The following CFAP57 variants were observed in gnomAD, a reference collection of about 807,000 sequenced individuals.
CFAP57 encodes the protein cilia- and flagella-associated protein 57.
A neutral mutation model predicts 146.8 loss-of-function variants in CFAP57; 116 were observed. The ratio of observed to expected loss-of-function variants is 0.79; its 90% CI spans 0.68 to 0.92. The LOEUF is 0.92. Ranked by LOEUF, CFAP57 falls within the 40% of genes least tolerant of loss-of-function variation. The probability of loss-of-function intolerance (pLI) is 0.00; values close to 1 mark genes in which losing one functional copy is unlikely to be tolerated. For synonymous variants in CFAP57, 518 were observed against 552.8 expected (o/e 0.94, Z 0.88); for missense variants, 1,377 against 1,527.2 (o/e 0.90, Z 1.64).
rs918893791 is a variant in CFAP57 at position 43,229,550 on chromosome 1, T to C, written c.3009+2424T>C. On this transcript the variant is annotated intron_variant, in intron 18 of 22. Coordinates refer to ENST00000372492, the MANE Select transcript of CFAP57 (RefSeq NM_001378189.1). Reference sequence around the variant, plus strand: ...GGAAGCCTCAAGCCCTTGGCTCATTTGTAGAGCTGCAACTTCTAATAACAC... The same window carrying C: ...GGAAGCCTCAAGCCCTTGGCTCATTCGTAGAGCTGCAACTTCTAATAACAC... Among the ~76,000 whole-genome samples, 2 of 148,696 alleles carry C rather than the reference T, an allele frequency of 1.3e-5. 1 individual carries two copies. The highest frequency in any genetic ancestry group is 3.0e-5 in the Non-Finnish European group (2 of 67,526).
Position 43,197,629 on chromosome 1 carries a change from G to A in CFAP57, c.1199G>A (p.Arg400His), listed in dbSNP as rs372200685. The stretch of plus-strand genomic sequence containing the variant: ...ATCACCGGTCTAGCTACCTGCATCC[G>A]CAAACCCCTTATAGCCACCTGTTCT... ...APITGLATCI[R>H]KPLIATCSLD... is the part of the protein sequence containing the mutation. Residue 400 changes from arginine to histidine, a missense_variant, in exon 7 of 23, where the codon CGC (arginine) becomes CAC (histidine). Arg to His is a conservative substitution (Grantham distance 29). Transcript: ENST00000372492. 15 of 1,613,962 alleles carry A rather than the reference G, an allele frequency of 9.3e-6. No individual in the cohort carries two copies. Among genetic ancestry groups the A allele is most frequent in the Admixed American group, 1.7e-5 (1 of 59,994 alleles).
chr1:43,227,475 C>T (rs1645292853), intron 18 of CFAP57, among the ~76,000 whole-genome samples: 1 of 152,226 alleles, frequency 6.6e-6, no homozygotes, highest in South Asian at 2.1e-4. Flanking sequence ...ACAGGCTATC[C>T]TTCTAGTTCA....
chr1:43,184,180 T>G (rs1171573320), intron 4 of CFAP57, among the ~76,000 whole-genome samples: 1 of 152,242 alleles, frequency 6.6e-6, no homozygotes, highest in Non-Finnish European at 1.5e-5. Context: ...TTTAATGAAT[T>G]GATTCATGTC....
At chr1:43,245,703 CT>C (rs1646090968) in intron 22 of CFAP57, among the ~76,000 whole-genome samples, 2 of 152,146 alleles carry the variant, frequency 1.3e-5, no homozygotes, top group African/African-American at 4.8e-5. Context: ...GTTTAAGAAG[CT>C]GTTAGATCCA....
chr1:43,226,961 T>C, intron 17 of CFAP57, 22 bp from the exon 18 acceptor site: 1 of 1,483,156 alleles, frequency 6.7e-7, no homozygotes. Context: ...TATCTCTCAC[T>C]TCTCTCTCAT....
chr1:43,197,640 A>G lies in CFAP57; in HGVS notation c.1210A>G (p.Ile404Val). 6.2e-7 allele frequency: 1 copy of G among 1,614,090 alleles called. No individual in the cohort carries two copies. The highest frequency in any genetic ancestry group is 1.6e-4 in the Middle Eastern group (1 of 6,062). The change falls in exon 7 of 23, where the codon ATA becomes GTA. Residue 404 changes from isoleucine to valine, a missense_variant. By Grantham distance (29) the Ile-to-Val change is conservative. Transcript: ENST00000372492. ...AGCTACCTGCATCCGCAAACCCCTTATAGCCACCTGTTCTCTGGATCGATC... is the reference window on the plus strand; with the variant it reads ...AGCTACCTGCATCCGCAAACCCCTTGTAGCCACCTGTTCTCTGGATCGATC... ...GLATCIRKPL[I>V]ATCSLDRSIR...
At chr1:43,218,118 C>T (rs1570172839) in intron 12 of CFAP57, among the ~76,000 whole-genome samples, 1 of 152,288 alleles carries the variant, frequency 6.6e-6, no homozygotes, top group East Asian at 1.9e-4. Flanking sequence ...GATGTCAAGT[C>T]GTTCACAGGT....
intron 9 of CFAP57, among the ~76,000 whole-genome samples, chr1:43,204,678 G>A (rs1644282542): frequency 6.6e-6 from 1 of 152,130 alleles, no homozygotes; most frequent in South Asian, 2.1e-4. Context: ...ATTAGTTACA[G>A]ATGGTGCATA....
intron 12 of CFAP57, among the ~76,000 whole-genome samples, chr1:43,217,479 T>G (rs1644878182): frequency 1.3e-5 from 2 of 152,094 alleles, no homozygotes; most frequent in Non-Finnish European, 2.9e-5. Context: ...GCTGCTAGTT[T>G]TATGCTAGGT....
chr1:43,172,562 C>G (rs1159287657), intron 1 of CFAP57, 109 bp downstream of exon 1: 1 of 407,458 alleles, frequency 2.5e-6, no homozygotes, highest in Non-Finnish European at 3.9e-6. Context: ...AGGAGGACCC[C>G]GGGGGAGGGG....
intron 12 of CFAP57, among the ~76,000 whole-genome samples, 193 bp from the exon 13 acceptor site, chr1:43,219,189 T>C (rs1644951593): frequency 6.6e-6 from 1 of 152,106 alleles, no homozygotes; most frequent in African/African-American, 2.4e-5. Flanking sequence ...TTTTTGAGGA[T>C]AGAGGAGGAA....
intron 11 of CFAP57, chr1:43,210,142 A>G: frequency 6.3e-7 from 1 of 1,599,434 alleles, no homozygotes; most frequent in Non-Finnish European, 8.5e-7. Flanking sequence ...AAATGTATGT[A>G]CAACGTTTTC....
intron 2 of CFAP57, among the ~76,000 whole-genome samples, chr1:43,179,052 G>A (rs191150755): frequency 3.9e-5 from 6 of 151,930 alleles, no homozygotes; most frequent in East Asian, 1.9e-4. Flanking sequence ...ACCAAACACC[G>A]CATGTTCTCA....
Position 43,215,275 on chromosome 1 carries a change from T to C in CFAP57, c.1950T>C (p.Asp650=), listed in dbSNP as rs1390256674. 3 of 1,551,094 alleles carry C rather than the reference T, an allele frequency of 1.9e-6. No homozygotes were observed. In the African/African-American group the frequency reaches 4.1e-5, roughly 21 times the overall value. Residue 650 remains aspartate (D), a synonymous_variant, in exon 12 of 23, where the codon GAT becomes GAC. Transcript: ENST00000372492. ...PITKMLLTFD[D]QFLLTAAEDG... The stretch of plus-strand genomic sequence containing the variant: ...TTCAGATGTTGCTTACCTTTGATGA[T>C]CAGTTCCTGCTGACTGCTGCTGAGG...
chr1:43,198,417 C>T (rs1643958141), intron 7 of CFAP57, 64 bp from the exon 8 acceptor site: 1 of 1,521,508 alleles, frequency 6.6e-7, no homozygotes, highest in Non-Finnish European at 9.1e-7. Context: ...ATATCAGATA[C>T]AGTAGATGAC....
At chr1:43,176,543 C>T (rs985421778) in intron 2 of CFAP57, among the ~76,000 whole-genome samples, 1 of 152,166 alleles carries the variant, frequency 6.6e-6, no homozygotes, top group Non-Finnish European at 1.5e-5. Context: ...CATGATGAGG[C>T]TCAACATATT....
rs187592365 is a variant in CFAP57 at position 43,192,647 on chromosome 1, G to A, written c.1123-4906G>A. ...TCAAAAATAAATCAATAAAAAAGCC[G>A]GGAGTGGTGGCTCACACCTGTAATC... is the stretch of plus-strand genomic sequence containing the variant. On this transcript the variant is annotated intron_variant, in intron 6 of 22. Coordinates refer to ENST00000372492, the MANE Select transcript of CFAP57 (RefSeq NM_001378189.1). 1.1e-3 allele frequency among the ~76,000 whole-genome samples: 169 copies of A among 148,530 alleles called. No individual in the cohort carries two copies. In the Middle Eastern group the frequency reaches 0.013, roughly 11 times the overall value.
intron 22 of CFAP57, among the ~76,000 whole-genome samples, chr1:43,249,455 A>C (rs1315308540): frequency 1.1e-5 from 1 of 87,750 alleles, no homozygotes; most frequent in African/African-American, 4.7e-5. Flanking sequence ...TTTGAGATGG[A>C]GTCTTGCTGT....
At chr1:43,210,500 A>C in intron 11 of CFAP57, 2 of 845,894 alleles carry the variant, frequency 2.4e-6, no homozygotes, top group Non-Finnish European at 2.9e-6. Context: ...CCTAAAAAGG[A>C]AGGGAATTCT....
Sources: allele counts gnomAD v4.1 joint callset (sites outside exome capture counted in the v4.1 genomes callset), GRCh38; gene constraint gnomAD v4.1.1; transcripts MANE v1.5; gene names NCBI Gene and HGNC (gene_info 2026-07-23, HGNC 2026-07-21).